Variants in PACRG observed in about 807,000 individuals in gnomAD.
The protein encoded by PACRG is parkin coregulated gene protein.
A neutral mutation model predicts 29.7 loss-of-function variants in PACRG; 29 were observed. The ratio of observed to expected loss-of-function variants is 0.98; its 90% CI spans 0.73 to 1.33. The LOEUF is 1.33. Ranked by LOEUF, PACRG falls within the 40% of genes most tolerant of loss-of-function variation. PACRG has a pLI of 0.00. For missense variants in PACRG, 279 were observed against 316.2 expected, an observed-to-expected ratio of 0.88 and a Z score of 0.89; for synonymous variants, 116 against 118.7, an observed-to-expected ratio of 0.98 and a Z score of 0.15.
chr6:162,796,740 C>G (rs987459325), intron 1 of PACRG, among the ~76,000 whole-genome samples: 3 of 151,118 alleles, frequency 2.0e-5, no homozygotes, highest in Non-Finnish European at 4.4e-5. Context: ...ATGTTTTTCT[C>G]ATCTCTCTCT....
Position 163,213,057 on chromosome 6 carries a change from C to T in PACRG, c.614-101770C>T, listed in dbSNP as rs545829146. Among the ~76,000 whole-genome samples, 16 of 152,300 alleles carry T rather than the reference C, an allele frequency of 1.1e-4. No individual in the cohort carries two copies. The East Asian group carries it at 2.7e-3, about 26-fold the overall frequency. On this transcript the variant is annotated intron_variant, in intron 4 of 4. Transcript: ENST00000366888. ...CCTCCCAAAGTGCTGGGATTACAGG[C>T]ATGAGCCACCATGCCCAACCAGAAA...
intron 4 of PACRG, among the ~76,000 whole-genome samples, chr6:163,200,624 C>A (rs1780658041): frequency 6.6e-6 from 1 of 152,156 alleles, no homozygotes; most frequent in African/African-American, 2.4e-5. Context: ...AGAGTCTTTT[C>A]TCCAAGGAAG....
intron 2 of PACRG, among the ~76,000 whole-genome samples, chr6:162,944,060 C>T (rs556578473): frequency 1.3e-5 from 2 of 152,116 alleles, no homozygotes; most frequent in African/African-American, 4.8e-5. Context: ...CATAGCCTAC[C>T]CTGAGGCTGA....
intron 4 of PACRG, among the ~76,000 whole-genome samples, chr6:163,143,761 A>G (rs1351287350): frequency 9.3e-5 from 14 of 151,230 alleles, no homozygotes; most frequent in Non-Finnish European, 1.5e-5. Flanking sequence ...TGAGGCAGAG[A>G]GAAGAATCCA....
At chr6:162,904,889 A>C (rs1562717994) in intron 2 of PACRG, among the ~76,000 whole-genome samples, 1 of 152,186 alleles carries the variant, frequency 6.6e-6, no homozygotes, top group South Asian at 2.1e-4. Flanking sequence ...GGCTTCTTTG[A>C]GGAAATGCAT....
At chr6:162,794,313 T>C (rs1785193051) in intron 1 of PACRG, among the ~76,000 whole-genome samples, 1 of 152,216 alleles carries the variant, frequency 6.6e-6, no homozygotes, top group Admixed American at 6.5e-5. Flanking sequence ...TTTCTTTTTC[T>C]TGTTGATCTG....
At chr6:162,980,954 G>A (rs2128171773) in intron 2 of PACRG, among the ~76,000 whole-genome samples, 1 of 152,056 alleles carries the variant, frequency 6.6e-6, no homozygotes, top group East Asian at 1.9e-4. Context: ...AAGTTCTTTA[G>A]AGGTGATTTC....
chr6:163,160,793 C>T (rs755539676), intron 4 of PACRG, among the ~76,000 whole-genome samples: 1 of 152,130 alleles, frequency 6.6e-6, no homozygotes, highest in African/African-American at 2.4e-5. Context: ...TTAATTTCCC[C>T]CCTTGAATAT....
chr6:162,832,773 C>A (rs1023440897), intron 2 of PACRG, among the ~76,000 whole-genome samples: 1 of 149,278 alleles, frequency 6.7e-6, no homozygotes, highest in Non-Finnish European at 1.5e-5. Context: ...ATATTTTTCT[C>A]TTAGGAACTG....
In PACRG at chr6:163,001,320, A is replaced by G. The variant is rs140372542; in HGVS notation, c.292-60830A>G. Reference sequence around the variant, plus strand: ...GAGTGGTGCTACTGGCCACGGGGAGATCAGTGCTCTAGGATCCAATAAACC... The same window carrying G: ...GAGTGGTGCTACTGGCCACGGGGAGGTCAGTGCTCTAGGATCCAATAAACC... On this transcript the variant is annotated intron_variant, in intron 2 of 4. Coordinates refer to ENST00000366888, the MANE Select transcript of PACRG (RefSeq NM_001080379.2). Among the ~76,000 whole-genome samples the G allele has an allele frequency of 6.0e-3, 917 of 152,330 alleles. 12 individuals carry two copies. Among genetic ancestry groups the G allele is most frequent in the African/African-American group, 0.021 (885 of 41,582 alleles).
intron 1 of PACRG, among the ~76,000 whole-genome samples, chr6:162,787,198 A>C (rs1337080659): frequency 6.6e-6 from 1 of 152,044 alleles, no homozygotes; most frequent in Non-Finnish European, 1.5e-5. Context: ...TTTTATTAGG[A>C]CTGCTGATGT....
chr6:163,304,760 C>T (rs1015247324), intron 4 of PACRG, among the ~76,000 whole-genome samples: 1 of 152,120 alleles, frequency 6.6e-6, no homozygotes, highest in African/African-American at 2.4e-5. Flanking sequence ...GAAATCCAGC[C>T]TGAGTGAAGC....
chr6:162,808,414 G>A (rs756243477), intron 1 of PACRG, among the ~76,000 whole-genome samples: 1 of 152,100 alleles, frequency 6.6e-6, no homozygotes, highest in African/African-American at 2.4e-5. Flanking sequence ...CAAATTTCCT[G>A]CTTGATATAA....
At position 163,166,080 on chromosome 6, in the gene PACRG, G is replaced by A. The variant is rs139968529; in HGVS notation, c.613+76672G>A. ...ATGAAAGACAGATGCATTGTTTGGA[G>A]TAACACAGAAGCTCCAATTCCTCGG... On this transcript the variant is annotated intron_variant, in intron 4 of 4. Transcript: ENST00000366888. 3.7e-5 allele frequency: 17 copies of A among 456,312 alleles called. 1 individual carries two copies. The East Asian group carries it at 1.1e-3, about 30-fold the overall frequency. The allele number at this position is 456,312 out of a possible 1,614,324, so 28.3% of individuals were successfully genotyped here.
chr6:162,909,157 A>G (rs1309020597), intron 2 of PACRG, among the ~76,000 whole-genome samples: 1 of 152,188 alleles, frequency 6.6e-6, no homozygotes, highest in African/African-American at 2.4e-5. Context: ...TCTTTCAGGT[A>G]CTACTTTCCA....
At chr6:162,732,366 A>G (rs918133873) in intron 1 of PACRG, among the ~76,000 whole-genome samples, 17 of 152,200 alleles carry the variant, frequency 1.1e-4, no homozygotes, top group African/African-American at 3.9e-4. Context: ...CTATGAGGGC[A>G]TGTCCCAGAA....
intron 4 of PACRG, among the ~76,000 whole-genome samples, chr6:163,290,282 A>G (rs569118371): frequency 0.14 from 9,188 of 67,680 alleles, 389 homozygotes; most frequent in African/African-American, 0.3. Flanking sequence ...GCGCGCGCAC[A>G]CACACACACA....
chr6:162,987,117 CT>C (rs936196729), intron 2 of PACRG, among the ~76,000 whole-genome samples: 1 of 152,100 alleles, frequency 6.6e-6, no homozygotes, highest in African/African-American at 2.4e-5. Context: ...ACCAGAATGT[CT>C]TTTCTGATTT....
chr6:163,309,130 A>G (rs1315072661), intron 4 of PACRG, among the ~76,000 whole-genome samples: 1 of 152,236 alleles, frequency 6.6e-6, no homozygotes, highest in Non-Finnish European at 1.5e-5. Flanking sequence ...TGATTCCGAC[A>G]AATGCTGGGT....
Sources: allele counts gnomAD v4.1 joint callset (sites outside exome capture counted in the v4.1 genomes callset), GRCh38; gene constraint gnomAD v4.1.1; transcripts MANE v1.5; gene names NCBI Gene and HGNC (gene_info 2026-07-23, HGNC 2026-07-21).